DDX31: variants seen among roughly 807,000 people sequenced by gnomAD.
DDX31 encodes the protein ATP-dependent DNA helicase DDX31.
A neutral mutation model predicts 91.3 loss-of-function variants in DDX31; 70 were observed. The observed-to-expected ratio is 0.77, with a 90% CI of 0.63 to 0.94. The LOEUF is 0.94. Among genes scored for constraint, DDX31 ranks in the 40% least tolerant of loss-of-function variants. The pLI is 0.00. For synonymous variants in DDX31, 362 were observed against 350.6 expected, an observed-to-expected ratio of 1.03 and a Z score of -0.36; for missense variants, 902 against 925.0, an observed-to-expected ratio of 0.98 and a Z score of 0.32.
intron 17 of DDX31, among the ~76,000 whole-genome samples, chr9:132,622,229 C>T (rs1483845679): frequency 2.0e-5 from 3 of 152,190 alleles, no homozygotes; most frequent in African/African-American, 4.8e-5. Flanking sequence ...CCTGAGATTG[C>T]AGAGCTAACA....
Position 132,614,125 on chromosome 9 carries a change from G to C in DDX31, c.1826-1870C>G, listed in dbSNP as rs375851734. Among the ~76,000 whole-genome samples the C allele has an allele frequency of 5.9e-5, 9 of 152,236 alleles. No homozygotes were observed. The East Asian group carries it at 9.7e-4, about 16-fold the overall frequency. On this transcript the variant is annotated intron_variant, in intron 18 of 19. Transcript: ENST00000372159. ...ATCCCAGCAGCACCTGGAGATTGGC[G>C]TTTATGAACAGTAATAAAAAGTGTC...
In DDX31 at chr9:132,651,068, G is replaced by A; in HGVS notation, c.675+7C>T. On this transcript the variant is annotated splice_region_variant and intron_variant, in intron 8 of 19. Transcript: ENST00000372159. ...CAAGATGAAATGGAACTCATGGTTTGCCTTACCTTAAGCAGTTTCTGGACA... is the reference window on the plus strand; with the variant it reads ...CAAGATGAAATGGAACTCATGGTTTACCTTACCTTAAGCAGTTTCTGGACA... The A allele has an allele frequency of 1.2e-6, 2 of 1,611,158 alleles. No individual in the cohort carries two copies. Among genetic ancestry groups the A allele is most frequent in the Admixed American group, 1.7e-5 (1 of 59,650 alleles).
At chr9:132,653,712 A>G (rs983015242) in intron 6 of DDX31, among the ~76,000 whole-genome samples, 3 of 152,020 alleles carry the variant, frequency 2.0e-5, no homozygotes, top group Admixed American at 6.6e-5. Flanking sequence ...AGAGGATGCA[A>G]TAGTACATAT....
chr9:132,667,959 T>C (rs941252145), intron 1 of DDX31, among the ~76,000 whole-genome samples: 2 of 152,224 alleles, frequency 1.3e-5, no homozygotes, highest in Admixed American at 6.5e-5. Context: ...ATTTTATAGA[T>C]AGGAAAAGTG....
At chr9:132,658,335 G>A (rs371066021) in intron 6 of DDX31, 3 of 703,328 alleles carry the variant, frequency 4.3e-6, no homozygotes, top group South Asian at 1.5e-5. Flanking sequence ...GTTCTTCTTC[G>A]TAAAATGTGG....
chr9:132,638,349 A>C (rs757844760), intron 14 of DDX31: 1 of 1,614,224 alleles, frequency 6.2e-7, no homozygotes, highest in Non-Finnish European at 8.5e-7. Flanking sequence ...CCTCTGGCTT[A>C]GGGTGAGTTC....
At position 132,647,122 on chromosome 9, in the gene DDX31, G is replaced by A. The variant is rs573397711; in HGVS notation, c.968-64C>T. Reference sequence around the variant, plus strand: ...ACACCATGAAACTGGTCACAAAAGCGTACCCCCATACAGCACCCACCCATG... The same window carrying A: ...ACACCATGAAACTGGTCACAAAAGCATACCCCCATACAGCACCCACCCATG... On this transcript the variant is annotated intron_variant, in intron 11 of 19. Transcript: ENST00000372159. 129 of 1,480,446 alleles carry A rather than the reference G, an allele frequency of 8.7e-5. 1 individual carries two copies. The highest frequency in any genetic ancestry group is 7.3e-4 in the East Asian group (32 of 44,078). 91.7% of individuals were successfully genotyped at this position (1,480,446 alleles called of 1,614,324 possible). A position where few individuals can be genotyped will look rare whatever the true frequency, so the allele number is the denominator to read the frequency against.
intron 16 of DDX31, among the ~76,000 whole-genome samples, chr9:132,629,923 A>G (rs986115690): frequency 1.2e-4 from 18 of 152,236 alleles, no homozygotes; most frequent in Admixed American, 7.9e-4. Context: ...GAAGATACAA[A>G]CCATTAATTG....
At chr9:132,621,004 A>G (rs1564293348) in intron 17 of DDX31, among the ~76,000 whole-genome samples, 1 of 152,224 alleles carries the variant, frequency 6.6e-6, no homozygotes, top group Admixed American at 6.5e-5. Context: ...AAGGATGAGC[A>G]GGGGGCTCTG....
At chr9:132,611,986 AT>A in intron 19 of DDX31, 100 bp downstream of exon 19, 1 of 1,448,218 alleles carries the variant, frequency 6.9e-7, no homozygotes, top group Non-Finnish European at 9.3e-7. Flanking sequence ...AAGGGCAGGT[AT>A]GAGTGAGAAG....
At chr9:132,607,972 A>C (rs1426430102) in intron 19 of DDX31, among the ~76,000 whole-genome samples, 1 of 152,214 alleles carries the variant, frequency 6.6e-6, no homozygotes, top group Non-Finnish European at 1.5e-5. Flanking sequence ...CGACCTAGAC[A>C]GATAGACACC....
chr9:132,668,876 G>C (rs556210859), intron 1 of DDX31, among the ~76,000 whole-genome samples: 4 of 152,276 alleles, frequency 2.6e-5, no homozygotes, highest in Admixed American at 2.6e-4. Context: ...CCGCGGCTTG[G>C]TTTTATACAT....
intron 9 of DDX31, 44 bp from the exon 10 acceptor site, chr9:132,648,595 G>T: frequency 6.4e-7 from 1 of 1,570,590 alleles, no homozygotes; most frequent in Non-Finnish European, 8.6e-7. Flanking sequence ...ATCAAACAGG[G>T]CCACGCCAGT....
At chr9:132,605,292 C>G (rs746430666) in intron 19 of DDX31, among the ~76,000 whole-genome samples, 2 of 152,156 alleles carry the variant, frequency 1.3e-5, no homozygotes, top group African/African-American at 4.8e-5. Flanking sequence ...GCTGGGCATT[C>G]GGGTTGAGCA....
At chr9:132,645,274 T>C (rs150732860) in intron 13 of DDX31, among the ~76,000 whole-genome samples, 1 of 152,118 alleles carries the variant, frequency 6.6e-6, no homozygotes, top group Non-Finnish European at 1.5e-5. Flanking sequence ...GCGACTCACA[T>C]AGCCAAGTCC....
chr9:132,665,157 T>G (rs975925752), intron 1 of DDX31, among the ~76,000 whole-genome samples: 1 of 152,216 alleles, frequency 6.6e-6, no homozygotes, highest in Non-Finnish European at 1.5e-5. Flanking sequence ...TAGCACTGTA[T>G]CCCCTGTATA....
rs1031414109 is a variant in DDX31, at chr9:132,661,618, C to A, written c.409-367G>T. Reference sequence around the variant, plus strand: ...AAGGCTGAGAAACCCTGATCCACCCCCCAGGTGAGAAAACAAGTTTAGGTA... The same window carrying A: ...AAGGCTGAGAAACCCTGATCCACCCACCAGGTGAGAAAACAAGTTTAGGTA... On this transcript the variant is annotated intron_variant, in intron 3 of 19. Transcript: ENST00000372159. Among the ~76,000 whole-genome samples, 7 of 152,166 alleles carry A rather than the reference C, an allele frequency of 4.6e-5. No individual in the cohort carries two copies. The East Asian group carries it at 1.2e-3, about 25-fold the overall frequency.
At chr9:132,666,723 T>TC (rs1835336276) in intron 1 of DDX31, among the ~76,000 whole-genome samples, 1 of 151,542 alleles carries the variant, frequency 6.6e-6, no homozygotes, top group Non-Finnish European at 1.5e-5. Flanking sequence ...TTTTTTTTTT[T>TC]TGAGACAGAG....
chr9:132,667,469 G>A (rs1835390473), intron 1 of DDX31, among the ~76,000 whole-genome samples: 1 of 151,998 alleles, frequency 6.6e-6, no homozygotes, highest in Non-Finnish European at 1.5e-5. Flanking sequence ...CGGGTGTGGT[G>A]GTGGGCACCT....
Sources: allele counts gnomAD v4.1 joint callset (sites outside exome capture counted in the v4.1 genomes callset), GRCh38; gene constraint gnomAD v4.1.1; transcripts MANE v1.5; gene names NCBI Gene and HGNC (gene_info 2026-07-23, HGNC 2026-07-21).